CCDC112: variants seen among roughly 807,000 people sequenced by gnomAD.
CCDC112 encodes the protein coiled-coil domain containing 112.
CCDC112 carries 40 observed loss-of-function variants against 66.3 expected under a neutral mutation model. That is an observed-to-expected ratio of 0.60 (90% CI 0.47 to 0.79). The LOEUF (loss-of-function observed/expected upper bound fraction) is 0.79. CCDC112 is among the 30% of genes least tolerant of loss of function. The pLI is 0.00. For synonymous variants in CCDC112, 214 were observed against 197.2 expected, an observed-to-expected ratio of 1.09 and a Z score of -0.71; for missense variants, 659 against 603.8, an observed-to-expected ratio of 1.09 and a Z score of -0.96.
At chr5:115,289,724 T>C (rs1749840982) in intron 1 of CCDC112, among the ~76,000 whole-genome samples, 1 of 152,222 alleles carries the variant, frequency 6.6e-6, no homozygotes, top group African/African-American at 2.4e-5. Context: ...CTTAATAATG[T>C]TCTTTTGCAG....
intron 3 of CCDC112, among the ~76,000 whole-genome samples, chr5:115,278,933 T>C (rs142611099): frequency 6.6e-5 from 10 of 152,292 alleles, no homozygotes; most frequent in African/African-American, 2.4e-4. Context: ...CTTTAAGAAA[T>C]GCTAAGCAGC....
intron 8 of CCDC112, 56 bp downstream of exon 8, chr5:115,269,647 C>A: frequency 1.7e-6 from 2 of 1,206,198 alleles, no homozygotes; most frequent in South Asian, 2.8e-5. Context: ...TGTCAGTATC[C>A]TTACAAATCA....
intron 3 of CCDC112, among the ~76,000 whole-genome samples, chr5:115,279,090 A>G (rs1002744183): frequency 3.0e-4 from 45 of 152,322 alleles, no homozygotes; most frequent in African/African-American, 1.1e-3. Flanking sequence ...TGTACAATCT[A>G]TCTATAAGGT....
At chr5:115,289,272 A>C in intron 1 of CCDC112, 1 of 164,992 alleles carries the variant, frequency 6.1e-6, no homozygotes, top group South Asian at 1.7e-4. Context: ...AATTGCAAGA[A>C]TCTCCTCTTG....
rs151110926 is a variant in CCDC112 at position 115,271,374 on chromosome 5, G to A, written c.1171C>T (p.Arg391Cys). 65 of 1,611,094 alleles carry A rather than the reference G, an allele frequency of 4.0e-5. No homozygotes were observed. The highest frequency in any genetic ancestry group is 3.3e-4 in the African/African-American group (25 of 74,730). ...AATTTTAACTTAAACTGGCGCTGGC[G>A]TTCTTTCTGATGTTTTTTCTCTTTC... ...EEKEKKHQKE[R>C]QRQFKLKLLL... is the part of the protein sequence containing the mutation. Residue 391 changes from arginine (R) to cysteine (C), a missense_variant, in exon 7 of 10, where the codon CGC becomes TGC. Transcript: ENST00000379611.
chr5:115,286,387 T>C (rs952251714), intron 1 of CCDC112, among the ~76,000 whole-genome samples: 1 of 152,230 alleles, frequency 6.6e-6, no homozygotes, highest in African/African-American at 2.4e-5. Context: ...CATTCCTTCT[T>C]ACAGCTGAAT....
intron 5 of CCDC112, 36 bp from the exon 6 acceptor site, chr5:115,275,642 A>G (rs1749177704): frequency 7.0e-7 from 1 of 1,420,184 alleles, no homozygotes; most frequent in African/African-American, 1.4e-5. Context: ...ATAAGAAGAC[A>G]ATCCATATTA....
At chr5:115,279,605 A>T (rs1749359974) in intron 3 of CCDC112, 42 bp downstream of exon 3, 1 of 1,599,434 alleles carries the variant, frequency 6.3e-7, no homozygotes, top group African/African-American at 1.3e-5. Flanking sequence ...CTACAACTTT[A>T]TATCGCTCAA....
Position 115,271,549 on chromosome 5 carries a change from T to G in CCDC112, c.996A>C (p.Thr332=), listed in dbSNP as rs141205772. 880 of 1,600,234 alleles carry G rather than the reference T, an allele frequency of 5.5e-4. 2 individuals are homozygous for G. The African/African-American group carries it at 9.7e-3, about 18-fold the overall frequency. Reference sequence around the variant, plus strand: ...CTTGTTTATTATGAAAAAGCACAGGTGTGTTGTCTGCCTTTTCCTTTAACT... The same window carrying G: ...CTTGTTTATTATGAAAAAGCACAGGGGTGTTGTCTGCCTTTTCCTTTAACT... ...IFKLKEKADN[T]PVLFHNKQED... Residue 332 remains threonine, a synonymous_variant, in exon 7 of 10, where the codon ACA becomes ACC. Coordinates refer to ENST00000379611, the MANE Select transcript of CCDC112 (RefSeq NM_001040440.3).
chr5:115,274,788 T>G (rs1226080119), intron 6 of CCDC112, among the ~76,000 whole-genome samples: 1 of 152,252 alleles, frequency 6.6e-6, no homozygotes, highest in East Asian at 1.9e-4. Flanking sequence ...TCGCTCAGGC[T>G]AGAGTGCAGT....
intron 2 of CCDC112, among the ~76,000 whole-genome samples, chr5:115,283,202 C>A (rs1178443381): frequency 6.6e-6 from 1 of 152,112 alleles, no homozygotes; most frequent in African/African-American, 2.4e-5. Context: ...ACTATACTCA[C>A]CATGCTGTAC....
intron 3 of CCDC112, among the ~76,000 whole-genome samples, chr5:115,277,546 G>A (rs1749259488): frequency 6.6e-6 from 1 of 152,054 alleles, no homozygotes; most frequent in South Asian, 2.1e-4. Flanking sequence ...CTAGGAAAGG[G>A]GCAGGTGATA....
At chr5:115,279,187 C>A (rs575075731) in intron 3 of CCDC112, among the ~76,000 whole-genome samples, 1 of 152,224 alleles carries the variant, frequency 6.6e-6, no homozygotes, top group African/African-American at 2.4e-5. Flanking sequence ...CAAGGAAACT[C>A]AGGTTTATGC....
At position 115,267,823 on chromosome 5, in the gene CCDC112, G is replaced by A. The variant is rs1397955559; in HGVS notation, c.*53C>T. 1 of 1,355,082 alleles carries A rather than the reference G, an allele frequency of 7.4e-7. No homozygotes were observed. Among genetic ancestry groups the A allele is most frequent in the African/African-American group, 1.4e-5 (1 of 69,722 alleles). 83.9% of individuals were successfully genotyped at this position (1,355,082 alleles called of 1,614,324 possible). A position where few individuals can be genotyped will look rare whatever the true frequency, so the allele number is the denominator to read the frequency against. On this transcript the variant is annotated 3_prime_UTR_variant, in exon 10 of 10. Transcript: ENST00000379611. ...GAATGTGGTTAGTCACTCTCTCCCT[G>A]GTATAACTTAGTATGTTAACATTCT...
At chr5:115,278,832 G>T (rs1348401480) in intron 3 of CCDC112, among the ~76,000 whole-genome samples, 1 of 152,100 alleles carries the variant, frequency 6.6e-6, no homozygotes, top group Non-Finnish European at 1.5e-5. Flanking sequence ...TACTTTAATT[G>T]ATGACAAGGG....
chr5:115,279,349 A>C (rs117060), intron 3 of CCDC112, among the ~76,000 whole-genome samples: 136,675 of 152,122 alleles, frequency 0.9, 61,608 homozygotes, highest in African/African-American at 0.97. Context: ...ATTTTAATAG[A>C]ATTTGGTGGT....
intron 1 of CCDC112, 197 bp downstream of exon 1, chr5:115,296,230 C>G (rs1391544522): frequency 7.8e-7 from 1 of 1,282,758 alleles, no homozygotes; most frequent in Non-Finnish European, 9.9e-7. Flanking sequence ...TCCTCGACTC[C>G]GAAACCACAT....
chr5:115,292,007 T>C (rs1043745207), intron 1 of CCDC112, among the ~76,000 whole-genome samples: 3 of 152,242 alleles, frequency 2.0e-5, no homozygotes, highest in South Asian at 2.1e-4. Context: ...TTAGAGTTCA[T>C]TGAGCTCCAT....
intron 1 of CCDC112, among the ~76,000 whole-genome samples, chr5:115,293,192 A>C (rs950776346): frequency 1.3e-5 from 2 of 152,206 alleles, no homozygotes; most frequent in African/African-American, 4.8e-5. Context: ...GCAAGGAAGG[A>C]AATAGGTAGT....
Sources: allele counts gnomAD v4.1 joint callset (sites outside exome capture counted in the v4.1 genomes callset), GRCh38; gene constraint gnomAD v4.1.1; transcripts MANE v1.5; gene names NCBI Gene and HGNC (gene_info 2026-07-23, HGNC 2026-07-21).